The following LHX4 variants were observed in gnomAD, a reference collection of about 807,000 sequenced individuals.
LHX4 encodes LIM homeobox 4, also known as LIM/homeobox protein Lhx4.
Under a neutral mutation model 39.2 loss-of-function variants are expected in LHX4, and 16 were observed. The ratio of observed to expected loss-of-function variants is 0.41; its 90% CI spans 0.28 to 0.62. The LOEUF is 0.62. Among genes scored for constraint, LHX4 ranks in the 20% least tolerant of loss-of-function variants. LHX4 has a pLI of 0.33. For synonymous variants in LHX4, 206 were observed against 198.1 expected (o/e 1.04, Z -0.33); for missense variants, 439 against 511.9 (o/e 0.86, Z 1.37).
intron 1 of LHX4, among the ~76,000 whole-genome samples, chr1:180,236,859 A>C (rs1452667488): frequency 6.6e-6 from 1 of 151,192 alleles, no homozygotes; most frequent in Non-Finnish European, 1.5e-5. Context: ...AGACAGACTG[A>C]AGCAGCAGTT....
Position 180,266,332 on chromosome 1 carries a change from T to TG in LHX4, c.249-55dup. The TG allele has an allele frequency of 1.9e-6, 3 of 1,563,028 alleles. No individual in the cohort carries two copies. The South Asian group carries it at 3.3e-5, about 17-fold the overall frequency. On this transcript the variant is annotated intron_variant, in intron 2 of 5. Transcript: ENST00000263726. The surrounding 1 kb of genome is among the most constrained non-coding windows in gnomAD (Gnocchi z 5.7). ...TAGGAGGGAGGCTGCTCCAGGAAGTTGGGGGAAGCCAGATCCCTTGCTCCC... is the reference window on the plus strand; with the variant it reads ...TAGGAGGGAGGCTGCTCCAGGAAGTTGGGGGGAAGCCAGATCCCTTGCTCCC...
intron 2 of LHX4, 119 bp downstream of exon 2, chr1:180,248,575 A>G (rs1647480187): frequency 9.2e-7 from 1 of 1,087,426 alleles, no homozygotes; most frequent in African/African-American, 1.5e-5. Flanking sequence ...TGGGAGGGGC[A>G]GGTAAATCCT....
intron 3 of LHX4, among the ~76,000 whole-genome samples, chr1:180,268,035 A>G (rs1031100116): frequency 6.6e-6 from 1 of 152,094 alleles, no homozygotes; most frequent in African/African-American, 2.4e-5. Context: ...TCCTCCAGAG[A>G]CCTGGGGCCT....
intron 2 of LHX4, among the ~76,000 whole-genome samples, chr1:180,259,006 G>A (rs74132420): frequency 0.036 from 5,455 of 152,032 alleles, 356 homozygotes; most frequent in African/African-American, 0.12. Context: ...TAGGAGTTTG[G>A]TTTTGGACTC....
chr1:180,248,216 C>G (rs1647461950), intron 1 of LHX4, 69 bp from the exon 2 acceptor site: 1 of 1,547,616 alleles, frequency 6.5e-7, no homozygotes, highest in Non-Finnish European at 8.9e-7. Flanking sequence ...AAGGCACCCG[C>G]CAGGGCCTGG....
At chr1:180,231,643 G>C (rs557141156) in intron 1 of LHX4, among the ~76,000 whole-genome samples, 4 of 151,580 alleles carry the variant, frequency 2.6e-5, no homozygotes, top group African/African-American at 9.6e-5. Flanking sequence ...GGGCACCCTG[G>C]AGAGACCAAG....
chr1:180,235,621 G>A (rs1664297019), intron 1 of LHX4, among the ~76,000 whole-genome samples: 1 of 152,224 alleles, frequency 6.6e-6, no homozygotes, highest in Admixed American at 6.5e-5. Context: ...TCGAGCCTCG[G>A]CTCCCCACTC....
chr1:180,244,610 C>T (rs532253733), intron 1 of LHX4, among the ~76,000 whole-genome samples: 24 of 152,348 alleles, frequency 1.6e-4, no homozygotes, highest in Admixed American at 2.6e-4. Flanking sequence ...CATATATCCT[C>T]ACCCTCATCC....
intron 1 of LHX4, among the ~76,000 whole-genome samples, chr1:180,238,439 G>C (rs954183851): frequency 1.7e-4 from 26 of 152,198 alleles, no homozygotes; most frequent in African/African-American, 6.0e-4. Context: ...ATAAAAAGAC[G>C]TGAGTACACT....
rs1649211387 is a variant in LHX4, at chr1:180,278,963, A to C, written c.*4384A>C. The stretch of plus-strand genomic sequence containing the variant: ...GATGTGTACGGTAAAATTATGTAAA[A>C]TAAATATGGAAATTCTTTAGATGCT... On this transcript the variant is annotated 3_prime_UTR_variant, in exon 6 of 6. Coordinates refer to ENST00000263726, the MANE Select transcript of LHX4 (RefSeq NM_033343.4). The C allele has an allele frequency of 6.6e-6, 1 of 152,210 alleles. No individual in the cohort carries two copies. The highest frequency in any genetic ancestry group is 1.5e-5 in the Non-Finnish European group (1 of 68,044). The allele number at this position is 152,210 out of a possible 1,614,324, so 9.4% of individuals were successfully genotyped here.
At chr1:180,245,041 G>C (rs1183092967) in intron 1 of LHX4, among the ~76,000 whole-genome samples, 3 of 152,184 alleles carry the variant, frequency 2.0e-5, no homozygotes, top group Non-Finnish European at 4.4e-5. Flanking sequence ...TGCTGGCTCT[G>C]CATGCCCTTT....
At chr1:180,256,213 C>T (rs574048197) in intron 2 of LHX4, among the ~76,000 whole-genome samples, 4 of 152,218 alleles carry the variant, frequency 2.6e-5, no homozygotes, top group African/African-American at 7.2e-5. Flanking sequence ...CTCCTCAGCC[C>T]GTCTGGCTCT....
In LHX4 at chr1:180,277,212, T is replaced by C. The variant is rs1204068937; in HGVS notation, c.*2633T>C. On this transcript the variant is annotated 3_prime_UTR_variant, in exon 6 of 6. Transcript: ENST00000263726. Reference sequence around the variant, plus strand: ...GGTTGGGTTAGCATTATGGGTGGGCTGGTGCCACTAATGAGCCATTGCATG... The same window carrying C: ...GGTTGGGTTAGCATTATGGGTGGGCCGGTGCCACTAATGAGCCATTGCATG... The C allele has an allele frequency of 6.6e-6, 1 of 152,234 alleles. No homozygotes were observed. Among genetic ancestry groups the C allele is most frequent in the African/African-American group, 2.4e-5 (1 of 41,450 alleles). 9.4% of individuals were successfully genotyped at this position (152,234 alleles called of 1,614,324 possible).
intron 1 of LHX4, among the ~76,000 whole-genome samples, chr1:180,243,067 C>A (rs1206276961): frequency 6.6e-6 from 1 of 152,120 alleles, no homozygotes; most frequent in African/African-American, 2.4e-5. Flanking sequence ...GGGCTCACTG[C>A]AATTTCCACC....
chr1:180,228,970 G>C (rs935710776), upstream of LHX4, among the ~76,000 whole-genome samples: 14 of 152,326 alleles, frequency 9.2e-5, no homozygotes, highest in East Asian at 1.5e-3. Context: ...GAGAGCGGCT[G>C]GGTCTTGGGG....
chr1:180,243,371 C>G (rs1647254871), intron 1 of LHX4, among the ~76,000 whole-genome samples: 1 of 151,972 alleles, frequency 6.6e-6, no homozygotes, highest in African/African-American at 2.4e-5. Flanking sequence ...CCTCCTCCCT[C>G]AGGAGGAGGA....
rs115184967 is a variant in LHX4 at position 180,264,122 on chromosome 1, A to C, written c.249-2270A>C. Among the ~76,000 whole-genome samples, 627 of 151,638 alleles carry C rather than the reference A, an allele frequency of 4.1e-3. 3 individuals are homozygous for C. Among genetic ancestry groups the C allele is most frequent in the African/African-American group, 0.015 (607 of 41,296 alleles). On this transcript the variant is annotated intron_variant, in intron 2 of 5. Coordinates refer to ENST00000263726, the MANE Select transcript of LHX4 (RefSeq NM_033343.4). ...TGGGACTACAGGTGCACACCACTAC[A>C]CCCGGCTAATTTTTTGCATTTTTTG... is the stretch of plus-strand genomic sequence containing the variant.
rs1452980856 is a variant in LHX4, at chr1:180,266,943, G to T, written c.451+349G>T. The stretch of plus-strand genomic sequence containing the variant: ...GGTGCTGAGGGGTGGCTGGGAGCTT[G>T]GTCTGTATTGGACACGTGGGGCTGC... On this transcript the variant is annotated intron_variant, in intron 3 of 5. Transcript: ENST00000263726. The surrounding 1 kb of genome is among the most constrained non-coding windows in gnomAD (Gnocchi z 5.7). Among the ~76,000 whole-genome samples the T allele has an allele frequency of 6.6e-6, 1 of 152,168 alleles. No individual in the cohort carries two copies. The highest frequency in any genetic ancestry group is 1.5e-5 in the Non-Finnish European group (1 of 68,018).
At chr1:180,247,143 C>T (rs1017216231) in intron 1 of LHX4, among the ~76,000 whole-genome samples, 1 of 152,138 alleles carries the variant, frequency 6.6e-6, no homozygotes, top group African/African-American at 2.4e-5. Flanking sequence ...ACCACGGAAA[C>T]CTGACCATTT....
Sources: gnomAD v4.1 joint callset for allele counts (sites outside exome capture counted in the v4.1 genomes callset) on GRCh38, gnomAD v4.1.1 for gene constraint, Gnocchi (gnomAD v3.1) non-coding constraint, MANE v1.5 for transcripts, NCBI Gene and HGNC (gene_info 2026-07-23, HGNC 2026-07-21) for gene names.